TASP1: variants seen among roughly 807,000 people sequenced by gnomAD.
TASP1 encodes taspase 1.
A neutral mutation model predicts 56.6 loss-of-function variants in TASP1; 16 were observed. That is an observed-to-expected ratio of 0.28 (90% CI 0.19 to 0.43). The LOEUF (loss-of-function observed/expected upper bound fraction) is 0.43, where lower values mean the gene tolerates loss of function less well. TASP1 is among the 20% of genes least tolerant of loss of function. TASP1 has a pLI of 1.00. For synonymous variants in TASP1, 179 were observed against 184.2 expected (o/e 0.97, Z 0.23); for missense variants, 393 against 511.6 (o/e 0.77, Z 2.24).
At chr20:13,630,854 T>C (rs2049061980) in intron 1 of TASP1, among the ~76,000 whole-genome samples, 1 of 152,148 alleles carries the variant, frequency 6.6e-6, no homozygotes. Flanking sequence ...TATTATTTTA[T>C]TCATGTTAGT....
At chr20:13,188,619 T>C in the TASP1 span, among the ~76,000 whole-genome samples, 2 of 152,164 alleles carry the variant, frequency 1.3e-5, no homozygotes, top group African/African-American at 4.8e-5. Context: ...CAAAGCAATC[T>C]ACAGATTCAA....
At chr20:13,625,045 C>T (rs1282165008) in intron 3 of TASP1, 140 bp downstream of exon 3, 15 of 545,104 alleles carry the variant, frequency 2.8e-5, no homozygotes, top group Non-Finnish European at 4.3e-5. Flanking sequence ...AAACGATCCC[C>T]TACAAAAACA....
At chr20:13,249,131 A>G in the TASP1 span, among the ~76,000 whole-genome samples, 2 of 152,192 alleles carry the variant, frequency 1.3e-5, no homozygotes, top group African/African-American at 4.8e-5. Flanking sequence ...ATGATTTTTG[A>G]AAAGATAAAT....
the TASP1 span, among the ~76,000 whole-genome samples, chr20:13,273,029 A>G: frequency 1.3e-5 from 2 of 152,202 alleles, no homozygotes; most frequent in Admixed American, 1.3e-4. Context: ...ACGCAAAGTC[A>G]TAGGAAAATG....
chr20:13,446,987 C>A (rs1423599145), intron 11 of TASP1, among the ~76,000 whole-genome samples: 1 of 152,024 alleles, frequency 6.6e-6, no homozygotes. Flanking sequence ...GCAAGTAATG[C>A]CACAGTGAAC....
At chr20:13,472,973 T>G (rs1230862633) in intron 11 of TASP1, among the ~76,000 whole-genome samples, 2 of 152,124 alleles carry the variant, frequency 1.3e-5, no homozygotes, top group Admixed American at 6.6e-5. Flanking sequence ...GACCCAGCCA[T>G]CCCATTACTG....
At chr20:13,545,036 T>G (rs2146968837) in intron 8 of TASP1, among the ~76,000 whole-genome samples, 1 of 152,204 alleles carries the variant, frequency 6.6e-6, no homozygotes, top group Non-Finnish European at 1.5e-5. Flanking sequence ...AACATGAGAT[T>G]TTTTAAGTAC....
intron 10 of TASP1, among the ~76,000 whole-genome samples, chr20:13,512,227 G>A (rs2044357744): frequency 6.6e-6 from 1 of 152,092 alleles, no homozygotes. Flanking sequence ...TACCAACAGT[G>A]TAAAAGTGTT....
At chr20:13,551,548 T>C (rs1438497831) in intron 8 of TASP1, among the ~76,000 whole-genome samples, 1 of 152,200 alleles carries the variant, frequency 6.6e-6, no homozygotes, top group African/African-American at 2.4e-5. Flanking sequence ...TAAGAGTCCC[T>C]TCCAGTCATA....
the TASP1 span, among the ~76,000 whole-genome samples, chr20:13,241,226 T>C: frequency 1.3e-5 from 2 of 152,148 alleles, no homozygotes; most frequent in Admixed American, 1.3e-4. Flanking sequence ...CTCCAGTGTC[T>C]ATTGGGTAAA....
chr20:13,396,918 A>C (rs1031202696), intron 13 of TASP1, among the ~76,000 whole-genome samples: 11 of 152,196 alleles, frequency 7.2e-5, no homozygotes, highest in African/African-American at 2.4e-4. Flanking sequence ...AGGAGCCTTA[A>C]AATAAGATTA....
chr20:13,539,667 T>A (rs1203295459), intron 8 of TASP1, among the ~76,000 whole-genome samples: 1 of 152,188 alleles, frequency 6.6e-6, no homozygotes, highest in Non-Finnish European at 1.5e-5. Context: ...TGAACCATGC[T>A]TTTAAGGGGA....
At chr20:13,482,888 A>G (rs886662300) in intron 11 of TASP1, among the ~76,000 whole-genome samples, 7 of 152,116 alleles carry the variant, frequency 4.6e-5, no homozygotes, top group African/African-American at 1.7e-4. Flanking sequence ...CTAGAGATAG[A>G]CCTTAAATGC....
chr20:13,462,513 G>A (rs1252505525), intron 11 of TASP1, among the ~76,000 whole-genome samples: 1 of 152,130 alleles, frequency 6.6e-6, no homozygotes, highest in East Asian at 1.9e-4. Flanking sequence ...AGGAATAGCT[G>A]CCTTTCCCAC....
chr20:13,426,445 T>G (rs1177687610), intron 12 of TASP1, among the ~76,000 whole-genome samples: 2 of 152,158 alleles, frequency 1.3e-5, no homozygotes, highest in African/African-American at 4.8e-5. Context: ...ATAATATTTC[T>G]TGGCAAGATA....
At chr20:13,345,987 C>T in the TASP1 span, among the ~76,000 whole-genome samples, 1 of 150,480 alleles carries the variant, frequency 6.6e-6, no homozygotes, top group South Asian at 2.1e-4. Context: ...CTAAGAGAAA[C>T]CTTGGAGGCA....
chr20:13,135,200 T>C, the TASP1 span, among the ~76,000 whole-genome samples: 1 of 152,214 alleles, frequency 6.6e-6, no homozygotes, highest in East Asian at 1.9e-4. Flanking sequence ...CTTCAGTGTA[T>C]CTTCAATGGG....
chr20:13,544,428 C>A (rs1408013290), intron 8 of TASP1, among the ~76,000 whole-genome samples: 1 of 152,140 alleles, frequency 6.6e-6, no homozygotes, highest in Non-Finnish European at 1.5e-5. Flanking sequence ...TAATCAGTCA[C>A]CACTGTCTGG....
chr20:13,231,281 A>G, the TASP1 span, among the ~76,000 whole-genome samples: 2 of 152,216 alleles, frequency 1.3e-5, no homozygotes, highest in Non-Finnish European at 2.9e-5. Context: ...CCTCAGAGAG[A>G]TGTGCTGCAG....
Sources: gnomAD v4.1 joint callset for allele counts (sites outside exome capture counted in the v4.1 genomes callset) on GRCh38, gnomAD v4.1.1 for gene constraint, MANE v1.5 for transcripts, NCBI Gene and HGNC (gene_info 2026-07-23, HGNC 2026-07-21) for gene names.